TBC1D32: variants seen among roughly 807,000 people sequenced by gnomAD.
The protein encoded by TBC1D32 is protein broad-minded.
In TBC1D32, 151 loss-of-function variants were observed where a neutral mutation model predicts 170.3. The ratio of observed to expected loss-of-function variants is 0.89; its 90% CI spans 0.78 to 1.01. The LOEUF (loss-of-function observed/expected upper bound fraction) is 1.01. Ranked by LOEUF, TBC1D32 falls within the 50% of genes least tolerant of loss-of-function variation. The probability of loss-of-function intolerance (pLI) is 0.00; values close to 1 mark genes in which losing one functional copy is unlikely to be tolerated. For synonymous variants in TBC1D32, 498 were observed against 488.0 expected (o/e 1.02, Z -0.27); for missense variants, 1,464 against 1,457.1 (o/e 1.00, Z -0.08).
intron 15 of TBC1D32, among the ~76,000 whole-genome samples, chr6:121,264,729 G>T (rs1800227720): frequency 6.6e-6 from 1 of 152,164 alleles, no homozygotes; most frequent in African/African-American, 2.4e-5. Context: ...GATCAAGCTG[G>T]CTTCATCCCT....
chr6:121,205,036 C>G, intron 22 of TBC1D32, 39 bp downstream of exon 22: 1 of 1,199,938 alleles, frequency 8.3e-7, no homozygotes, highest in Non-Finnish European at 1.2e-6. Context: ...TTTTGTGGAA[C>G]ATAAAATATA....
intron 21 of TBC1D32, among the ~76,000 whole-genome samples, chr6:121,221,134 A>G (rs1351313595): frequency 6.6e-6 from 1 of 152,196 alleles, no homozygotes; most frequent in Non-Finnish European, 1.5e-5. Context: ...AAAATCCTGG[A>G]GCACTGGAAA....
intron 22 of TBC1D32, among the ~76,000 whole-genome samples, chr6:121,199,746 G>A (rs1373223759): frequency 6.6e-6 from 1 of 151,180 alleles, no homozygotes; most frequent in Non-Finnish European, 1.5e-5. Context: ...GTAATTGTGA[G>A]ATTATTTCTT....
At chr6:121,135,530 GT>G (rs2128221056) in intron 24 of TBC1D32, among the ~76,000 whole-genome samples, 1 of 152,238 alleles carries the variant, frequency 6.6e-6, no homozygotes, top group East Asian at 1.9e-4. Flanking sequence ...CTTCCTGGAG[GT>G]TTTGCTGAAT....
chr6:121,103,734 T>C (rs1429339593), intron 30 of TBC1D32, among the ~76,000 whole-genome samples: 1 of 151,624 alleles, frequency 6.6e-6, no homozygotes, highest in East Asian at 1.9e-4. Flanking sequence ...AAAGAATATA[T>C]AACAAAAGAG....
At chr6:121,146,150 C>G (rs1783415957) in intron 24 of TBC1D32, among the ~76,000 whole-genome samples, 1 of 152,018 alleles carries the variant, frequency 6.6e-6, no homozygotes, top group African/African-American at 2.4e-5. Flanking sequence ...GAAACAGAAC[C>G]AATAGAATTT....
intron 31 of TBC1D32, among the ~76,000 whole-genome samples, chr6:121,087,709 A>G (rs117183765): frequency 0.073 from 11,150 of 152,182 alleles, 443 homozygotes; most frequent in South Asian, 0.15. Context: ...ATTTATTTTT[A>G]TATACTTATT....
chr6:121,095,293 G>A (rs911849377), intron 30 of TBC1D32, among the ~76,000 whole-genome samples: 1 of 152,240 alleles, frequency 6.6e-6, no homozygotes, highest in African/African-American at 2.4e-5. Flanking sequence ...ACATTAAGAT[G>A]CCACACTGAG....
At chr6:121,190,572 A>G (rs1203278165) in intron 22 of TBC1D32, among the ~76,000 whole-genome samples, 1 of 152,076 alleles carries the variant, frequency 6.6e-6, no homozygotes, top group African/African-American at 2.4e-5. Context: ...AACTATCTGG[A>G]GGAATAAAAT....
chr6:121,317,643 T>G lies in TBC1D32; in HGVS notation c.347A>C (p.Asn116Thr). The G allele has an allele frequency of 6.2e-7, 1 of 1,609,524 alleles. No homozygotes were observed. The highest frequency in any genetic ancestry group is 1.1e-5 in the South Asian group (1 of 90,286). Reference sequence around the variant, plus strand: ...AGACTCGACCACAGCTATCATAATGTTCTTCAGGTAATGCATCATTTCTTT... The same window carrying G: ...AGACTCGACCACAGCTATCATAATGGTCTTCAGGTAATGCATCATTTCTTT... ...EYKEMMHYLK[N>T]IMIAVVESMI... The change falls in exon 3 of 32, where the codon AAC becomes ACC. Residue 116 changes from asparagine to threonine, a missense_variant. Coordinates refer to ENST00000398212, the MANE Select transcript of TBC1D32 (RefSeq NM_152730.6).
intron 26 of TBC1D32, among the ~76,000 whole-genome samples, chr6:121,119,057 T>G (rs1261133600): frequency 6.6e-6 from 1 of 152,144 alleles, no homozygotes; most frequent in African/African-American, 2.4e-5. Flanking sequence ...TGCTCTCTAT[T>G]AACGCTTCCT....
intron 15 of TBC1D32, among the ~76,000 whole-genome samples, chr6:121,270,022 T>C (rs1225843018): frequency 1.6e-4 from 25 of 152,066 alleles, no homozygotes; most frequent in Non-Finnish European, 2.4e-4. Context: ...ACTGGGTACA[T>C]AATGAAATGA....
intron 15 of TBC1D32, among the ~76,000 whole-genome samples, chr6:121,270,195 T>G (rs1801163211): frequency 6.6e-6 from 1 of 151,734 alleles, no homozygotes; most frequent in Non-Finnish European, 1.5e-5. Flanking sequence ...ACATCACAAT[T>G]AAAAGAACTA....
chr6:121,180,726 C>T (rs60556325), intron 22 of TBC1D32, among the ~76,000 whole-genome samples: 1,895 of 152,114 alleles, frequency 0.012, 38 homozygotes, highest in African/African-American at 0.043. Context: ...CAAACGTAGA[C>T]AAATGAGATT....
At chr6:121,261,618 T>C (rs1283883374) in intron 15 of TBC1D32, among the ~76,000 whole-genome samples, 1 of 151,902 alleles carries the variant, frequency 6.6e-6, no homozygotes, top group African/African-American at 2.4e-5. Flanking sequence ...AAAAACCTCA[T>C]CCAAGGGTCA....
At chr6:121,160,374 C>T (rs538428437) in intron 23 of TBC1D32, among the ~76,000 whole-genome samples, 2,668 of 48,708 alleles carry the variant, frequency 0.055, 81 homozygotes, top group African/African-American at 0.086. Flanking sequence ...GATAAATTTA[C>T]TGTGTTTTTT....
intron 24 of TBC1D32, among the ~76,000 whole-genome samples, chr6:121,134,617 C>T (rs1781827066): frequency 6.6e-6 from 1 of 152,068 alleles, no homozygotes; most frequent in African/African-American, 2.4e-5. Context: ...ATACTTCTGG[C>T]TACTCTTCCC....
At position 121,205,022 on chromosome 6, in the gene TBC1D32, T is replaced by A. The variant is rs2128304315; in HGVS notation, c.2570+53A>T. The A allele has an allele frequency of 5.5e-6, 6 of 1,095,032 alleles. No homozygotes were observed. The South Asian group carries it at 9.0e-5, about 16-fold the overall frequency. 67.8% of individuals were successfully genotyped at this position (1,095,032 alleles called of 1,614,324 possible). On this transcript the variant is annotated intron_variant, in intron 22 of 31. Coordinates refer to ENST00000398212, the MANE Select transcript of TBC1D32 (RefSeq NM_152730.6). ...TTTTAAAGTATACAGGACAAATGCTTATTTTTTGTGGAACATAAAATATAA... is the reference window on the plus strand; with the variant it reads ...TTTTAAAGTATACAGGACAAATGCTAATTTTTTGTGGAACATAAAATATAA...
chr6:121,096,481 A>G (rs556472896), intron 30 of TBC1D32, among the ~76,000 whole-genome samples: 10 of 152,244 alleles, frequency 6.6e-5, no homozygotes, highest in Middle Eastern at 3.4e-3. Context: ...TAGGAATACA[A>G]TTTACAAGGG....
Sources: allele counts gnomAD v4.1 joint callset (sites outside exome capture counted in the v4.1 genomes callset), GRCh38; gene constraint gnomAD v4.1.1; transcripts MANE v1.5; gene names NCBI Gene and HGNC (gene_info 2026-07-23, HGNC 2026-07-21).